Variants in SPARCL1 observed in about 807,000 individuals in gnomAD.
SPARCL1 encodes the protein SPARC like 1.
In SPARCL1, 52 loss-of-function variants were observed where a neutral mutation model predicts 67.1. The ratio of observed to expected loss-of-function variants is 0.78; its 90% confidence interval spans 0.62 to 0.98. The LOEUF (loss-of-function observed/expected upper bound fraction) is 0.98, where lower values mean the gene tolerates loss of function less well. Ranked by LOEUF, SPARCL1 falls within the 50% of genes least tolerant of loss-of-function variation. SPARCL1 has a pLI of 0.00. For synonymous variants in SPARCL1, 226 were observed against 267.8 expected, an observed-to-expected ratio of 0.84 and a Z score of 1.52; for missense variants, 717 against 782.4, an observed-to-expected ratio of 0.92 and a Z score of 1.00.
intron 2 of SPARCL1, chr4:87,497,239 C>T (rs888006826): frequency 2.6e-5 from 26 of 984,462 alleles, no homozygotes; most frequent in Non-Finnish European, 3.0e-5. Flanking sequence ...CTCCTTTTCA[C>T]CTAAGATGGG....
chr4:87,507,751 C>T (rs1725158318), intron 1 of SPARCL1, among the ~76,000 whole-genome samples: 2 of 152,204 alleles, frequency 1.3e-5, no homozygotes, highest in African/African-American at 4.8e-5. Context: ...CTCAGTCTCA[C>T]AAGACATCTT....
In SPARCL1 at chr4:87,511,967, C is replaced by CTTTTTTTTTTTTTTT. The variant is rs3037337; in HGVS notation, c.-11-12397_-11-12383dup. 5.8e-5 allele frequency among the ~76,000 whole-genome samples: 7 copies of CTTTTTTTTTTTTTTT among 121,564 alleles called. 1 individual carries two copies. The highest frequency in any genetic ancestry group is 2.6e-4 in the East Asian group (1 of 3,808). 79.8% of individuals were successfully genotyped at this position (121,564 alleles called of 152,430 possible). On this transcript the variant is annotated intron_variant, in intron 1 of 10. Transcript: ENST00000282470. ...TTCCTTTCCTTTCCTCTTTCTTTCT[C>CTTTTTTTTTTTTTTT]TTTTTTTTTTTTTTTGAGACAGAGT...
intron 1 of SPARCL1, among the ~76,000 whole-genome samples, chr4:87,507,280 T>C (rs1725122756): frequency 6.6e-6 from 1 of 152,238 alleles, no homozygotes; most frequent in African/African-American, 2.4e-5. Flanking sequence ...CATTTCTTTT[T>C]GTTTGTTGCA....
chr4:87,506,854 A>G (rs7695558), intron 1 of SPARCL1, among the ~76,000 whole-genome samples: 24,882 of 151,574 alleles, frequency 0.16, 2,190 homozygotes, highest in African/African-American at 0.23. Flanking sequence ...CCTATCTCCT[A>G]TTTGTTCTGT....
At chr4:87,481,835 A>G (rs1347380709) in intron 8 of SPARCL1, among the ~76,000 whole-genome samples, 2 of 152,144 alleles carry the variant, frequency 1.3e-5, no homozygotes, top group Non-Finnish European at 2.9e-5. Context: ...ATATATACTT[A>G]TTTGTTTAGA....
At chr4:87,479,033 G>A (rs1039754262) in intron 10 of SPARCL1, among the ~76,000 whole-genome samples, 1 of 152,128 alleles carries the variant, frequency 6.6e-6, no homozygotes, top group African/African-American at 2.4e-5. Context: ...ATCTCCCATT[G>A]TCAGAAATGG....
chr4:87,522,385 T>A (rs899535705), intron 1 of SPARCL1, among the ~76,000 whole-genome samples: 1 of 152,066 alleles, frequency 6.6e-6, no homozygotes, highest in East Asian at 1.9e-4. Context: ...GCTTTGAGAC[T>A]AACCAGAAAT....
chr4:87,505,186 G>C (rs1452454122), intron 1 of SPARCL1, among the ~76,000 whole-genome samples: 1 of 152,144 alleles, frequency 6.6e-6, no homozygotes, highest in African/African-American at 2.4e-5. Flanking sequence ...GTGAGACCTA[G>C]ATGATCCTCT....
chr4:87,474,946 G>C (rs950951383), intron 10 of SPARCL1, among the ~76,000 whole-genome samples: 42 of 152,148 alleles, frequency 2.8e-4, no homozygotes, highest in Non-Finnish European at 4.0e-4. Flanking sequence ...GTTTCACCGT[G>C]TTAGCCAAGA....
At chr4:87,523,918 T>C (rs1469965071) in intron 1 of SPARCL1, among the ~76,000 whole-genome samples, 1 of 152,210 alleles carries the variant, frequency 6.6e-6, no homozygotes, top group African/African-American at 2.4e-5. Flanking sequence ...GCAGTTTTCA[T>C]TATTGTGATG....
chr4:87,478,959 G>A (rs909981208), intron 10 of SPARCL1, among the ~76,000 whole-genome samples: 2 of 152,128 alleles, frequency 1.3e-5, no homozygotes, highest in Admixed American at 6.5e-5. Flanking sequence ...GATTATCCCA[G>A]CACTAATTGT....
chr4:87,478,531 G>A (rs1389727706), intron 10 of SPARCL1, among the ~76,000 whole-genome samples: 2 of 151,364 alleles, frequency 1.3e-5, no homozygotes, highest in South Asian at 4.2e-4. Flanking sequence ...TCTGCCTCCC[G>A]GGTTCAAGCA....
intron 8 of SPARCL1, among the ~76,000 whole-genome samples, chr4:87,481,440 C>A (rs1198575782): frequency 6.6e-6 from 1 of 152,166 alleles, no homozygotes; most frequent in Non-Finnish European, 1.5e-5. Context: ...AGCAAAACTC[C>A]TTGAAAGGAT....
Position 87,486,888 on chromosome 4 carries a change from C to CTTTTTTTTTTTT in SPARCL1, c.1531+3373_1531+3384dup, listed in dbSNP as rs57597004. 8.6e-4 allele frequency among the ~76,000 whole-genome samples: 24 copies of CTTTTTTTTTTTT among 28,000 alleles called. 3 individuals carry two copies. Among genetic ancestry groups the CTTTTTTTTTTTT allele is most frequent in the East Asian group, 2.3e-3 (2 of 888 alleles). 18.4% of individuals were successfully genotyped at this position (28,000 alleles called of 152,430 possible). A position where few individuals can be genotyped will look rare whatever the true frequency, so the allele number is the denominator to read the frequency against. Reference sequence around the variant, plus strand: ...TCTGAGGCTAGTATTGCAATTCCTGCTTTTTTTTTTTTTTTTTTTTTTTTT... The same window carrying CTTTTTTTTTTTT: ...TCTGAGGCTAGTATTGCAATTCCTGCTTTTTTTTTTTTTTTTTTTTTTTTTTTTTTTTTTTTT... On this transcript the variant is annotated intron_variant, in intron 7 of 10. Coordinates refer to ENST00000282470, the MANE Select transcript of SPARCL1 (RefSeq NM_004684.6).
chr4:87,479,323 T>C (rs1297563988), intron 10 of SPARCL1, 107 bp downstream of exon 10: 3 of 1,222,682 alleles, frequency 2.5e-6, no homozygotes, highest in Non-Finnish European at 3.4e-6. Context: ...TTTTTTTTTC[T>C]AGCTTCCAAT....
intron 1 of SPARCL1, among the ~76,000 whole-genome samples, chr4:87,506,254 C>A (rs1725067809): frequency 6.6e-6 from 1 of 152,296 alleles, no homozygotes; most frequent in Non-Finnish European, 1.5e-5. Context: ...TGGCAAGTTA[C>A]TTAGCCCTCT....
chr4:87,521,672 A>G (rs1725824347), intron 1 of SPARCL1, among the ~76,000 whole-genome samples: 1 of 152,194 alleles, frequency 6.6e-6, no homozygotes, highest in Admixed American at 6.5e-5. Context: ...TGACAACTTG[A>G]TCTGTTTATC....
intron 7 of SPARCL1, among the ~76,000 whole-genome samples, chr4:87,488,048 T>G (rs1578098330): frequency 6.6e-6 from 1 of 152,328 alleles, no homozygotes; most frequent in South Asian, 2.1e-4. Context: ...ACATGTTCCT[T>G]TAACTCAGAA....
intron 1 of SPARCL1, among the ~76,000 whole-genome samples, chr4:87,520,502 G>A (rs1364813880): frequency 6.6e-6 from 1 of 152,092 alleles, no homozygotes; most frequent in Non-Finnish European, 1.5e-5. Context: ...TGGGAGTAGG[G>A]GGTAGAAGAT....
Sources: gnomAD v4.1 joint callset for allele counts (sites outside exome capture counted in the v4.1 genomes callset) on GRCh38, gnomAD v4.1.1 for gene constraint, MANE v1.5 for transcripts, NCBI Gene and HGNC (gene_info 2026-07-23, HGNC 2026-07-21) for gene names.